Variants in ATOSA observed in about 807,000 individuals in gnomAD.
ATOSA encodes the protein atos homolog A.
At chr15:52,703,158 C>T in the ATOSA span, among the ~76,000 whole-genome samples, 1 of 152,092 alleles carries the variant, frequency 6.6e-6, no homozygotes, top group Non-Finnish European at 1.5e-5. Context: ...TAAAAGAGTA[C>T]ACATGGTTCG....
chr15:52,606,592 GA>G, the ATOSA span, among the ~76,000 whole-genome samples: 18 of 152,032 alleles, frequency 1.2e-4, no homozygotes, highest in African/African-American at 4.3e-4. Flanking sequence ...ACAGGTACAT[GA>G]AAAAAATGAA....
At chr15:52,664,361 C>T in the ATOSA span, among the ~76,000 whole-genome samples, 42 of 152,154 alleles carry the variant, frequency 2.8e-4, no homozygotes, top group Non-Finnish European at 4.4e-4. Flanking sequence ...GTATCCTCAG[C>T]GTGACAACTT....
the ATOSA span, among the ~76,000 whole-genome samples, chr15:52,633,800 C>G: frequency 6.6e-6 from 1 of 152,120 alleles, no homozygotes; most frequent in Non-Finnish European, 1.5e-5. Context: ...CTGGAAATCA[C>G]AAAATCATAT....
the ATOSA span, among the ~76,000 whole-genome samples, chr15:52,632,167 C>T: frequency 3.9e-5 from 6 of 152,162 alleles, no homozygotes; most frequent in African/African-American, 1.2e-4. Flanking sequence ...AATTTTAGTT[C>T]ATGATACTGT....
the ATOSA span, among the ~76,000 whole-genome samples, chr15:52,707,642 G>C: frequency 6.6e-6 from 1 of 152,042 alleles, no homozygotes; most frequent in Non-Finnish European, 1.5e-5. Context: ...AAAAATAATA[G>C]ATCAATATTA....
the ATOSA span, chr15:52,679,165 C>G: frequency 6.5e-6 from 1 of 153,380 alleles, no homozygotes; most frequent in Non-Finnish European, 1.4e-5. Flanking sequence ...CGCGCCTCAG[C>G]CACCGCCTCG....
the ATOSA span, among the ~76,000 whole-genome samples, chr15:52,621,400 A>C: frequency 1.3e-5 from 2 of 152,230 alleles, no homozygotes; most frequent in Non-Finnish European, 2.9e-5. Context: ...AACTCCTATT[A>C]ACTGAAAAAT....
At chr15:52,625,257 T>A in the ATOSA span, among the ~76,000 whole-genome samples, 2 of 151,986 alleles carry the variant, frequency 1.3e-5, no homozygotes, top group African/African-American at 2.4e-5. Context: ...CTAGTACAAG[T>A]CATTTTATAT....
the ATOSA span, among the ~76,000 whole-genome samples, chr15:52,594,053 T>C: frequency 6.6e-6 from 1 of 152,230 alleles, no homozygotes; most frequent in African/African-American, 2.4e-5. Flanking sequence ...TTTACTATGT[T>C]GTTTTTATAT....
chr15:52,584,924 C>T, the ATOSA span: 1 of 1,610,728 alleles, frequency 6.2e-7, no homozygotes. Flanking sequence ...TCACCACAGT[C>T]TTATTAGGAT....
the ATOSA span, chr15:52,610,233 G>A: frequency 6.2e-7 from 1 of 1,613,956 alleles, no homozygotes; most frequent in Non-Finnish European, 8.5e-7. Flanking sequence ...TGTGAATACT[G>A]CACGTCAAAA....
the ATOSA span, among the ~76,000 whole-genome samples, chr15:52,632,867 A>G: frequency 2.0e-5 from 3 of 152,234 alleles, no homozygotes; most frequent in Non-Finnish European, 4.4e-5. Context: ...AAATGGGATT[A>G]TATATAACAT....
At chr15:52,582,741 T>C in the ATOSA span, among the ~76,000 whole-genome samples, 1 of 152,128 alleles carries the variant, frequency 6.6e-6, no homozygotes. Context: ...TAGCCTCCCA[T>C]GATTTGGGGT....
the ATOSA span, among the ~76,000 whole-genome samples, chr15:52,616,520 G>A: frequency 2.6e-5 from 4 of 152,136 alleles, no homozygotes; most frequent in Non-Finnish European, 4.4e-5. Flanking sequence ...AATCCATTGA[G>A]CCCAGGAGTT....
the ATOSA span, among the ~76,000 whole-genome samples, chr15:52,661,685 T>A: frequency 6.6e-6 from 1 of 152,126 alleles, no homozygotes; most frequent in Non-Finnish European, 1.5e-5. Flanking sequence ...CCCTGGTAAA[T>A]ACCTCAATTC....
At chr15:52,591,229 A>T in the ATOSA span, among the ~76,000 whole-genome samples, 1 of 152,088 alleles carries the variant, frequency 6.6e-6, no homozygotes, top group Non-Finnish European at 1.5e-5. Flanking sequence ...AGATCACAGT[A>T]TTTTATTTTA....
chr15:52,645,886 C>G, the ATOSA span, among the ~76,000 whole-genome samples: 1 of 152,156 alleles, frequency 6.6e-6, no homozygotes, highest in East Asian at 1.9e-4. Context: ...CTCTCAAAAC[C>G]AAATTCTAGA....
At chr15:52,696,459 G>A in the ATOSA span, among the ~76,000 whole-genome samples, 1 of 152,070 alleles carries the variant, frequency 6.6e-6, no homozygotes. Context: ...ATCAGCTGGG[G>A]TACCCTTCTC....
At chr15:52,698,174 C>T in the ATOSA span, among the ~76,000 whole-genome samples, 1 of 151,544 alleles carries the variant, frequency 6.6e-6, no homozygotes, top group East Asian at 1.9e-4. Flanking sequence ...AGAGATGGGG[C>T]TTCACTGTGT....
Sources: allele counts gnomAD v4.1 joint callset (sites outside exome capture counted in the v4.1 genomes callset), GRCh38; gene constraint gnomAD v4.1.1; transcripts MANE v1.5; gene names NCBI Gene and HGNC (gene_info 2026-07-23, HGNC 2026-07-21).